Variants in SLC5A4 observed in about 807,000 individuals in gnomAD.
SLC5A4 encodes the protein solute carrier family 5 member 4.
In SLC5A4, 55 loss-of-function variants were observed where a neutral mutation model predicts 70.3. The observed-to-expected ratio is 0.78, with a 90% CI of 0.63 to 0.98. The LOEUF (loss-of-function observed/expected upper bound fraction) is 0.98, where lower values mean the gene tolerates loss of function less well. SLC5A4 is among the 50% of genes least tolerant of loss of function. The pLI, the probability that SLC5A4 is intolerant of heterozygous loss-of-function variation, is 0.00. For missense variants in SLC5A4, 735 were observed against 839.2 expected (o/e 0.88, Z 1.53); for synonymous variants, 268 against 305.7 (o/e 0.88, Z 1.29).
chr22:32,312,365 GCACACA>G, the SLC5A4 span, among the ~76,000 whole-genome samples: 63 of 102,214 alleles, frequency 6.2e-4, no homozygotes, highest in African/African-American at 1.6e-3. Context: ...ACGCGCGCGC[GCACACA>G]CACACACACA....
At chr22:32,290,962 C>A in the SLC5A4 span, among the ~76,000 whole-genome samples, 8 of 152,206 alleles carry the variant, frequency 5.3e-5, no homozygotes, top group Admixed American at 2.0e-4. Context: ...ACATTTGAAC[C>A]ATTTCAGCCT....
the SLC5A4 span, among the ~76,000 whole-genome samples, chr22:32,288,747 T>G: frequency 6.6e-6 from 1 of 152,134 alleles, no homozygotes; most frequent in Non-Finnish European, 1.5e-5. Flanking sequence ...GGTTTCTCCT[T>G]GTTGGTCAGG....
chr22:32,272,178 A>C, the SLC5A4 span: 5 of 732,556 alleles, frequency 6.8e-6, no homozygotes, highest in South Asian at 7.3e-5. Flanking sequence ...GACCTGCCTC[A>C]TGCAGGAGGA....
At position 32,233,008 on chromosome 22, in the gene SLC5A4, G is replaced by A. The variant is rs574801446; in HGVS notation, c.912C>T (p.Gly304=). 1.4e-5 allele frequency: 22 copies of A among 1,614,074 alleles called. No individual in the cohort carries two copies. The East Asian group carries it at 1.6e-4, about 11-fold the overall frequency. The change falls in exon 9 of 15, where the codon GGC becomes GGT. Residue 304 remains glycine (G), a synonymous_variant. Coordinates refer to ENST00000266086, the MANE Select transcript of SLC5A4 (RefSeq NM_014227.3). The stretch of plus-strand genomic sequence containing the variant: ...CGGCCTTCACGTGAGACATGTCCTT[G>A]CCACACAGGCAGCGCTGCACAATGA... ...NQVIVQRCLC[G]KDMSHVKAAC... is the part of the protein sequence containing the mutation.
chr22:32,305,544 T>C, the SLC5A4 span, among the ~76,000 whole-genome samples: 2 of 148,586 alleles, frequency 1.3e-5, 1 homozygote, highest in African/African-American at 5.0e-5. Flanking sequence ...ATTTCAGGTG[T>C]TGAGGGCCTC....
chr22:32,339,419 A>T, the SLC5A4 span, among the ~76,000 whole-genome samples: 1 of 152,164 alleles, frequency 6.6e-6, no homozygotes, highest in Non-Finnish European at 1.5e-5. Flanking sequence ...GCAGTTGCCC[A>T]CTGGCCCGTA....
At chr22:32,282,540 C>T in the SLC5A4 span, among the ~76,000 whole-genome samples, 1 of 152,216 alleles carries the variant, frequency 6.6e-6, no homozygotes, top group South Asian at 2.1e-4. Flanking sequence ...ATTACCCTCT[C>T]ATTCCCTTAC....
At chr22:32,235,768 A>C (rs1425949998) in intron 7 of SLC5A4, among the ~76,000 whole-genome samples, 6 of 152,174 alleles carry the variant, frequency 3.9e-5, no homozygotes, top group African/African-American at 1.4e-4. Flanking sequence ...CCCTTAGTAT[A>C]GCTTTAAATG....
chr22:32,288,021 T>C, the SLC5A4 span, among the ~76,000 whole-genome samples: 135 of 151,102 alleles, frequency 8.9e-4, no homozygotes, highest in African/African-American at 2.9e-3. Context: ...TTCTTTCTTT[T>C]TTTTTTTTTT....
At chr22:32,256,961 G>A (rs573482651), upstream of SLC5A4, among the ~76,000 whole-genome samples, 1 of 152,284 alleles carries the variant, frequency 6.6e-6, no homozygotes, top group South Asian at 2.1e-4. Context: ...TGATAATTCT[G>A]TGTTTAACTT....
intron 5 of SLC5A4, 120 bp downstream of exon 5, chr22:32,247,291 C>T: frequency 3.0e-6 from 2 of 665,616 alleles, no homozygotes; most frequent in South Asian, 3.5e-5. Context: ...TTTAAGACAT[C>T]CATATCCTTG....
chr22:32,269,340 G>A, the SLC5A4 span: 184 of 320,550 alleles, frequency 5.7e-4, 1 homozygote, highest in South Asian at 1.9e-3. The surrounding 1 kb of genome is among the most constrained non-coding windows in gnomAD (Gnocchi z 4.1). Flanking sequence ...TTAAAAATCC[G>A]TATTTTGATT....
the SLC5A4 span, among the ~76,000 whole-genome samples, chr22:32,291,200 A>T: frequency 3.7e-5 from 3 of 81,890 alleles, no homozygotes; most frequent in Non-Finnish European, 5.0e-5. Flanking sequence ...TTTGTGTTTG[A>T]CTGTTCTTTT....
chr22:32,327,000 T>C, the SLC5A4 span, among the ~76,000 whole-genome samples: 3 of 152,202 alleles, frequency 2.0e-5, no homozygotes, highest in Non-Finnish European at 2.9e-5. Flanking sequence ...TAACTTGACA[T>C]GAGGTGTTCA....
the SLC5A4 span, among the ~76,000 whole-genome samples, chr22:32,268,761 A>T: frequency 6.6e-6 from 1 of 152,228 alleles, no homozygotes; most frequent in African/African-American, 2.4e-5. Flanking sequence ...TGTAATAGTT[A>T]GGTCGTGCTC....
At chr22:32,294,007 A>C in the SLC5A4 span, among the ~76,000 whole-genome samples, 4 of 150,186 alleles carry the variant, frequency 2.7e-5, no homozygotes, top group Non-Finnish European at 3.0e-5. Context: ...GTTAATCTCC[A>C]CCCCCACCCC....
chr22:32,322,768 C>T, the SLC5A4 span, among the ~76,000 whole-genome samples: 1 of 152,098 alleles, frequency 6.6e-6, no homozygotes. Flanking sequence ...GGCAGATATT[C>T]TCACATGCCA....
At chr22:32,281,414 C>G in the SLC5A4 span, among the ~76,000 whole-genome samples, 2 of 152,186 alleles carry the variant, frequency 1.3e-5, no homozygotes, top group African/African-American at 4.8e-5. Flanking sequence ...GGAAGGGGCC[C>G]CATCAAAGCC....
the SLC5A4 span, among the ~76,000 whole-genome samples, chr22:32,293,844 C>T: frequency 3.9e-5 from 6 of 152,120 alleles, no homozygotes; most frequent in Non-Finnish European, 8.8e-5. Flanking sequence ...TCTAAGAAGT[C>T]TTATTTTACC....
Sources: gnomAD v4.1 joint callset for allele counts (sites outside exome capture counted in the v4.1 genomes callset) on GRCh38, gnomAD v4.1.1 for gene constraint, Gnocchi (gnomAD v3.1) non-coding constraint, MANE v1.5 for transcripts, NCBI Gene and HGNC (gene_info 2026-07-23, HGNC 2026-07-21) for gene names.